PHYHD1: variants seen among roughly 807,000 people sequenced by gnomAD.
PHYHD1 encodes the protein phytanoyl-CoA dioxygenase domain-containing protein 1.
PHYHD1 carries 42 observed loss-of-function variants against 43.6 expected under a neutral mutation model. The observed-to-expected ratio is 0.96, with a 90% CI of 0.75 to 1.25. The LOEUF (loss-of-function observed/expected upper bound fraction) is 1.25, where lower values mean the gene tolerates loss of function less well. Among genes scored for constraint, PHYHD1 ranks in the 50% most tolerant of loss-of-function variants. The pLI, the probability that PHYHD1 is intolerant of heterozygous loss-of-function variation, is 0.00. For missense variants in PHYHD1, 342 were observed against 370.8 expected (o/e 0.92, Z 0.64); for synonymous variants, 139 against 143.6 (o/e 0.97, Z 0.23).
chr9:128,934,393 G>GT (rs1564541346), intron 6 of PHYHD1, among the ~76,000 whole-genome samples: 1 of 140,988 alleles, frequency 7.1e-6, no homozygotes, highest in Non-Finnish European at 1.5e-5. Flanking sequence ...GTGAAACCCT[G>GT]TTAAAAAAAA....
intron 3 of PHYHD1, among the ~76,000 whole-genome samples, chr9:128,924,366 T>C (rs1201679007): frequency 6.6e-6 from 1 of 152,184 alleles, no homozygotes; most frequent in Non-Finnish European, 1.5e-5. Context: ...TGCAGTGAGC[T>C]GAGATCGCGC....
chr9:128,939,656 T>C (rs1364022116), intron 9 of PHYHD1, among the ~76,000 whole-genome samples: 1 of 118,886 alleles, frequency 8.4e-6, no homozygotes, highest in Non-Finnish European at 1.9e-5. Context: ...GCACCCAACT[T>C]CCCAATTTTT....
intron 9 of PHYHD1, chr9:128,937,986 T>C: frequency 7.0e-7 from 1 of 1,432,180 alleles, no homozygotes; most frequent in Non-Finnish European, 9.2e-7. Context: ...GTCCTGAGCC[T>C]GCCAGCAACC....
Position 128,940,409 on chromosome 9 carries a change from C to T in PHYHD1, c.498C>T (p.Pro166=), listed in dbSNP as rs774710197. The change falls in exon 10 of 13, where the codon CCC becomes CCT. Residue 166 remains proline (P), a synonymous_variant. Coordinates refer to ENST00000372592, the MANE Select transcript of PHYHD1 (RefSeq NM_001100876.2). ...HQDASFLYTE[P]LGRVLGVWIA... is the part of the protein sequence containing the mutation. ...ACGCCTCCTTCCTGTACACGGAGCC[C>T]CTGGGCCGGGTGCTGGGCGTGTGGA... The T allele has an allele frequency of 5.0e-6, 8 of 1,614,082 alleles. No homozygotes were observed. The South Asian group carries it at 7.7e-5, about 16-fold the overall frequency.
chr9:128,930,779 C>A (rs1841253854), intron 4 of PHYHD1, among the ~76,000 whole-genome samples: 1 of 152,012 alleles, frequency 6.6e-6, no homozygotes, highest in African/African-American at 2.4e-5. Flanking sequence ...GAAACCCCAT[C>A]TCTACTAAAA....
intron 3 of PHYHD1, among the ~76,000 whole-genome samples, chr9:128,926,294 G>T (rs1435762798): frequency 6.6e-6 from 1 of 152,152 alleles, no homozygotes; most frequent in Non-Finnish European, 1.5e-5. Flanking sequence ...GCAATGGCAT[G>T]ATCTCGGCTC....
intron 4 of PHYHD1, among the ~76,000 whole-genome samples, chr9:128,932,175 A>ATTTTTTTTTTTTTTTTTTT: frequency 9.3e-6 from 1 of 107,104 alleles, no homozygotes; most frequent in Non-Finnish European, 1.8e-5. Context: ...TATTGTTATT[A>ATTTTTTTTTTTTTTTTTTT]TTATTATTAT....
Position 128,937,772 on chromosome 9 carries a change from G to C in PHYHD1, c.451G>C (p.Gly151Arg), listed in dbSNP as rs190589766. Residue 151 changes from glycine to arginine, a missense_variant, in exon 9 of 13, where the codon GGT becomes CGT. Coordinates refer to ENST00000372592, the MANE Select transcript of PHYHD1 (RefSeq NM_001100876.2). ...MYIFKQPHFG[G>R]EVSPHQDASF... Reference sequence around the variant, plus strand: ...TCTCTTGCAGCAACCTCACTTTGGCGGTGAAGGTGAGCTGAGAGCTGTGGG... The same window carrying C: ...TCTCTTGCAGCAACCTCACTTTGGCCGTGAAGGTGAGCTGAGAGCTGTGGG... 1.2e-6 allele frequency: 2 copies of C among 1,613,904 alleles called. No individual in the cohort carries two copies. Among genetic ancestry groups the C allele is most frequent in the African/African-American group, 2.7e-5 (2 of 74,902 alleles).
At chr9:128,927,944 G>A (rs563261518) in intron 4 of PHYHD1, among the ~76,000 whole-genome samples, 97 of 152,302 alleles carry the variant, frequency 6.4e-4, no homozygotes, top group African/African-American at 2.2e-3. Context: ...CCCAGTGACC[G>A]AATAGGTCAC....
At chr9:128,939,196 C>T (rs568685207) in intron 9 of PHYHD1, among the ~76,000 whole-genome samples, 2 of 131,390 alleles carry the variant, frequency 1.5e-5, no homozygotes, top group African/African-American at 5.0e-5. Context: ...AGACAGCAAC[C>T]TGTTTGTTCT....
intron 3 of PHYHD1, among the ~76,000 whole-genome samples, chr9:128,923,371 C>T (rs1447180860): frequency 6.6e-6 from 1 of 152,222 alleles, no homozygotes; most frequent in East Asian, 1.9e-4. Flanking sequence ...AGCCACCGCG[C>T]CCAGCCTGCC....
At position 128,941,539 on chromosome 9, in the gene PHYHD1, G is replaced by A. The variant is rs774343806; in HGVS notation, c.798G>A (p.Glu266=). ...SRQAYTFHLM[E]ASGTTWSPEN... is the part of the protein sequence containing the mutation. ...AGGCCTACACTTTCCACCTCATGGA[G>A]GCCTCTGGCACCACCTGGAGCCCGG... Residue 266 remains glutamate (E), a synonymous_variant, in exon 12 of 13, where the codon GAG becomes GAA. Coordinates refer to ENST00000372592, the MANE Select transcript of PHYHD1 (RefSeq NM_001100876.2). 1 of 1,614,174 alleles carries A rather than the reference G, an allele frequency of 6.2e-7. No homozygotes were observed. The highest frequency in any genetic ancestry group is 1.7e-5 in the Admixed American group (1 of 60,014).
chr9:128,931,911 T>G (rs1192122383), intron 4 of PHYHD1, among the ~76,000 whole-genome samples: 1 of 151,510 alleles, frequency 6.6e-6, no homozygotes, highest in East Asian at 1.9e-4. Flanking sequence ...CTTGGCTCAT[T>G]GCAACCTCCA....
chr9:128,922,990 G>A (rs1841041587), intron 3 of PHYHD1, among the ~76,000 whole-genome samples: 1 of 146,606 alleles, frequency 6.8e-6, no homozygotes, highest in African/African-American at 2.6e-5. Context: ...TGTTGCCCAG[G>A]CTGGAGTGCA....
intron 4 of PHYHD1, among the ~76,000 whole-genome samples, chr9:128,929,358 ACAGTTTG>A (rs1158414083): frequency 2.0e-5 from 3 of 150,878 alleles, no homozygotes; most frequent in Admixed American, 2.0e-4. Context: ...AAAACAAAAA[ACAGTTTG>A]CATCTATCTC....
chr9:128,927,862 G>A (rs1195961435), intron 4 of PHYHD1, among the ~76,000 whole-genome samples: 2 of 152,230 alleles, frequency 1.3e-5, no homozygotes, highest in Admixed American at 6.5e-5. Context: ...CACCTGGAAT[G>A]AGCACAGTGG....
rs560424750 is a variant in PHYHD1, at chr9:128,924,922, T to C, written c.34-2116T>C. ...TGCACTCCAGCCTGGGCAACAAGAGTGAGACTCCGTCTCAAAAAGAAAAAA... is the reference window on the plus strand; with the variant it reads ...TGCACTCCAGCCTGGGCAACAAGAGCGAGACTCCGTCTCAAAAAGAAAAAA... On this transcript the variant is annotated intron_variant, in intron 3 of 12. Transcript: ENST00000372592. Among the ~76,000 whole-genome samples the C allele has an allele frequency of 5.9e-5, 9 of 151,964 alleles. No individual in the cohort carries two copies. The East Asian group carries it at 1.7e-3, about 29-fold the overall frequency.
At chr9:128,923,259 C>T (rs1841049943) in intron 3 of PHYHD1, among the ~76,000 whole-genome samples, 1 of 151,706 alleles carries the variant, frequency 6.6e-6, no homozygotes, top group African/African-American at 2.4e-5. Flanking sequence ...TTTATTTTTG[C>T]AGAGATGGGG....
chr9:128,925,229 C>CTTT (rs573388244), intron 3 of PHYHD1, among the ~76,000 whole-genome samples: 1 of 141,394 alleles, frequency 7.1e-6, no homozygotes, highest in Non-Finnish European at 1.6e-5. Flanking sequence ...CTTTTTCTTT[C>CTTT]TTTTTTTTTT....
Sources: gnomAD v4.1 joint callset for allele counts (sites outside exome capture counted in the v4.1 genomes callset) on GRCh38, gnomAD v4.1.1 for gene constraint, MANE v1.5 for transcripts, NCBI Gene and HGNC (gene_info 2026-07-23, HGNC 2026-07-21) for gene names.